DCAF8L2: variants seen among roughly 807,000 people sequenced by gnomAD.
DCAF8L2 encodes the protein DDB1 and CUL4 associated factor 8 like 2.
For synonymous variants in DCAF8L2, 200 were observed against 190.9 expected (o/e 1.05, Z -0.39); for missense variants, 430 against 490.7 (o/e 0.88, Z 1.17).
chrX:27,508,458 T>G, the DCAF8L2 span, among the ~76,000 whole-genome samples: 2 of 109,647 alleles, frequency 1.8e-5, no homozygotes, highest in Non-Finnish European at 3.8e-5. Context: ...ATGTTAGACT[T>G]TACCCAACAT....
intron 3 of DCAF8L2, among the ~76,000 whole-genome samples, chrX:27,680,638 C>G (rs1387999134): frequency 1.8e-5 from 2 of 110,609 alleles, no homozygotes; most frequent in African/African-American, 6.6e-5. Flanking sequence ...CAGTTTTTCT[C>G]TGAAACTGGA....
chrX:27,519,253 G>T, the DCAF8L2 span: 2 of 983,453 alleles, frequency 2.0e-6, no homozygotes, highest in Non-Finnish European at 2.9e-6. Flanking sequence ...ATAACTAGAA[G>T]AACAGACTCA....
chrX:27,705,932 T>G (rs749765699), intron 3 of DCAF8L2, among the ~76,000 whole-genome samples: 14 of 111,929 alleles, frequency 1.3e-4, no homozygotes, highest in Non-Finnish European at 2.4e-4. Context: ...GGTTTTACAT[T>G]TAAGTCTCTA....
Position 27,747,148 on chromosome X carries a change from G to T in DCAF8L2, c.253G>T (p.Glu85Ter). The change falls in exon 5 of 5, where the codon GAG becomes TAG. Residue 85 changes from glutamate to a stop codon, truncating the protein, a stop_gained. Coordinates refer to ENST00000451261, the MANE Select transcript of DCAF8L2 (RefSeq NM_001353450.2). LOFTEE classifies it low-confidence loss of function (END_TRUNC). Reference sequence around the variant, plus strand: ...AAGCGCAAGTGAAGACATCGAACTTGAGAGCTTGGAGGACTTTGAGCATTT... The same window carrying T: ...AAGCGCAAGTGAAGACATCGAACTTTAGAGCTTGGAGGACTTTGAGCATTT... ...QESASEDIELESLEDFEHFLM... is the reference protein window; with the variant it reads ...QESASEDIEL 1 of 1,167,618 alleles carries T rather than the reference G, an allele frequency of 8.6e-7. No individual in the cohort carries two copies. The highest frequency in any genetic ancestry group is 1.1e-6 in the Non-Finnish European group (1 of 872,982).
the DCAF8L2 span, among the ~76,000 whole-genome samples, chrX:27,559,207 G>A: frequency 3.1e-4 from 34 of 111,365 alleles, no homozygotes; most frequent in African/African-American, 8.2e-4. Context: ...ATAGCATTGC[G>A]AAAAGGGACT....
the DCAF8L2 span, among the ~76,000 whole-genome samples, chrX:27,547,936 GCTT>G: frequency 1.1e-5 from 1 of 92,008 alleles, no homozygotes; most frequent in East Asian, 3.4e-4. Flanking sequence ...AGATGTGCCT[GCTT>G]CTTCTTCACC....
the DCAF8L2 span, among the ~76,000 whole-genome samples, chrX:27,569,991 G>A: frequency 9.0e-6 from 1 of 111,657 alleles, no homozygotes; most frequent in African/African-American, 3.2e-5. Flanking sequence ...ACTTTTTGAA[G>A]CTTAAAAAAG....
intron 3 of DCAF8L2, chrX:27,712,572 T>C (rs1422676416): frequency 9.0e-6 from 1 of 111,726 alleles, no homozygotes; most frequent in African/African-American, 3.3e-5. Context: ...CTGTGTTCAC[T>C]TGACTACCAG....
intron 3 of DCAF8L2, among the ~76,000 whole-genome samples, chrX:27,694,770 T>A (rs962004840): frequency 1.1e-4 from 12 of 111,966 alleles, no homozygotes; most frequent in Non-Finnish European, 2.3e-4. Context: ...TCCAAGGATA[T>A]GAATTAGATT....
intron 1 of DCAF8L2, among the ~76,000 whole-genome samples, chrX:27,617,635 T>C (rs899247647): frequency 3.6e-5 from 4 of 111,309 alleles, no homozygotes; most frequent in Non-Finnish European, 5.7e-5. Flanking sequence ...TTTTTATAAG[T>C]TTCTGTTTTT....
intron 1 of DCAF8L2, among the ~76,000 whole-genome samples, chrX:27,591,007 AT>A (rs1926056759): frequency 5.2e-5 from 5 of 96,533 alleles, no homozygotes; most frequent in African/African-American, 1.4e-4. Context: ...ATATATATAT[AT>A]ATATATAAAT....
chrX:27,735,026 T>TA (rs1290207586), intron 4 of DCAF8L2, among the ~76,000 whole-genome samples: 2 of 112,125 alleles, frequency 1.8e-5, no homozygotes, highest in African/African-American at 6.5e-5. Context: ...TGAAAGTGAT[T>TA]AGAGTTGGGG....
At chrX:27,603,151 G>A (rs1926727119) in intron 1 of DCAF8L2, among the ~76,000 whole-genome samples, 1 of 111,778 alleles carries the variant, frequency 8.9e-6, no homozygotes, top group African/African-American at 3.3e-5. Flanking sequence ...GTCTTTAAGG[G>A]AAATGCAGTC....
intron 1 of DCAF8L2, among the ~76,000 whole-genome samples, chrX:27,598,685 C>T (rs72623776): frequency 9.0e-6 from 1 of 111,422 alleles, no homozygotes; most frequent in Non-Finnish European, 1.9e-5. Context: ...TCCCTTTGTT[C>T]GGGGCTCAGA....
At chrX:27,707,169 C>T (rs181477029) in intron 3 of DCAF8L2, among the ~76,000 whole-genome samples, 4 of 110,874 alleles carry the variant, frequency 3.6e-5, no homozygotes, top group East Asian at 5.7e-4. Flanking sequence ...GTTTCTTTCT[C>T]GGGTGGCAAA....
intron 2 of DCAF8L2, among the ~76,000 whole-genome samples, chrX:27,651,147 A>C (rs1467211371): frequency 8.9e-6 from 1 of 112,025 alleles, no homozygotes; most frequent in Non-Finnish European, 1.9e-5. Flanking sequence ...AATGAAGCCT[A>C]CTTCATCATG....
intron 3 of DCAF8L2, among the ~76,000 whole-genome samples, chrX:27,680,594 AT>A (rs894985536): frequency 5.5e-5 from 6 of 108,645 alleles, no homozygotes; most frequent in East Asian, 5.8e-4. Flanking sequence ...CCCTTTCTCT[AT>A]TTTTTTTTGT....
chrX:27,646,801 T>C (rs1206040725), intron 2 of DCAF8L2, among the ~76,000 whole-genome samples: 1 of 110,430 alleles, frequency 9.1e-6, no homozygotes, highest in Non-Finnish European at 1.9e-5. Context: ...CCAACAAACA[T>C]GAAAAAAAGC....
intron 2 of DCAF8L2, among the ~76,000 whole-genome samples, chrX:27,651,553 A>G (rs1029987997): frequency 1.8e-4 from 15 of 84,832 alleles, no homozygotes; most frequent in South Asian, 6.3e-4. Context: ...TCTGTCGCCC[A>G]GGCTGGAGTG....
Sources: allele counts gnomAD v4.1 joint callset (sites outside exome capture counted in the v4.1 genomes callset), GRCh38; gene constraint gnomAD v4.1.1; transcripts MANE v1.5; gene names NCBI Gene and HGNC (gene_info 2026-07-23, HGNC 2026-07-21).